TRIM24: variants seen among roughly 807,000 people sequenced by gnomAD.
TRIM24 encodes the protein transcription intermediary factor 1-alpha.
In TRIM24, 29 loss-of-function variants were observed where a neutral mutation model predicts 123.9. The ratio of observed to expected loss-of-function variants is 0.23; its 90% CI spans 0.17 to 0.32. TRIM24 has a LOEUF of 0.32. Among genes scored for constraint, TRIM24 ranks in the 10% least tolerant of loss-of-function variants. The pLI is 1.00. For synonymous variants in TRIM24, 456 were observed against 461.1 expected (o/e 0.99, Z 0.14); for missense variants, 932 against 1,295.3 (o/e 0.72, Z 4.31).
At chr7:138,520,864 T>C (rs1395383029) in intron 4 of TRIM24, among the ~76,000 whole-genome samples, 1 of 151,964 alleles carries the variant, frequency 6.6e-6, no homozygotes, top group Non-Finnish European at 1.5e-5. Context: ...AGATTAAACA[T>C]CTAATGTGGA....
chr7:138,543,261 G>A (rs1733189226), intron 7 of TRIM24, among the ~76,000 whole-genome samples: 1 of 152,192 alleles, frequency 6.6e-6, no homozygotes, highest in Admixed American at 6.5e-5. Flanking sequence ...GAAAATAGGA[G>A]CAGTGAATCA....
chr7:138,508,188 AAT>A (rs1296623630), intron 2 of TRIM24, among the ~76,000 whole-genome samples: 1 of 152,152 alleles, frequency 6.6e-6, no homozygotes, highest in Non-Finnish European at 1.5e-5. Context: ...TTGCATATTC[AAT>A]AGAGTTAGCT....
intron 1 of TRIM24, among the ~76,000 whole-genome samples, chr7:138,502,220 C>T (rs954949834): frequency 2.0e-5 from 3 of 152,142 alleles, no homozygotes; most frequent in Non-Finnish European, 4.4e-5. Context: ...TTTAGCTGGA[C>T]GGTACAGGGC....
chr7:138,568,403 T>TAAA (rs1584743179), intron 10 of TRIM24, among the ~76,000 whole-genome samples: 1 of 137,676 alleles, frequency 7.3e-6, no homozygotes, highest in Non-Finnish European at 1.5e-5. Flanking sequence ...TTTTTTTTTT[T>TAAA]TTTTTTAAAG....
At chr7:138,537,375 G>GTTTTTTT (rs1388530445) in intron 6 of TRIM24, among the ~76,000 whole-genome samples, 1 of 26,268 alleles carries the variant, frequency 3.8e-5, no homozygotes, top group African/African-American at 1.4e-4. Context: ...CGCCACCCCT[G>GTTTTTTT]TTTGTTTTTT....
intron 11 of TRIM24, among the ~76,000 whole-genome samples, chr7:138,572,153 C>G (rs1217802162): frequency 6.6e-6 from 1 of 151,910 alleles, no homozygotes; most frequent in East Asian, 1.9e-4. Context: ...TTAATCTTAC[C>G]AGAGTCATTC....
chr7:138,508,692 T>TGTGTGTGTGTGCGC (rs1422176564), intron 2 of TRIM24, among the ~76,000 whole-genome samples: 8 of 137,274 alleles, frequency 5.8e-5, no homozygotes, highest in African/African-American at 2.2e-4. Context: ...TGTGTGTGTG[T>TGTGTGTGTGTGCGC]GCGCGCGCGT....
chr7:138,538,542 T>C (rs1204004302), intron 6 of TRIM24, 115 bp from the exon 7 acceptor site: 9 of 1,170,224 alleles, frequency 7.7e-6, no homozygotes, highest in Non-Finnish European at 1.1e-5. Context: ...ATTTTTAGTT[T>C]CAGTAAATTG....
intron 13 of TRIM24, 115 bp from the exon 14 acceptor site, chr7:138,577,305 T>G (rs551785851): frequency 2.5e-6 from 2 of 787,362 alleles, no homozygotes; most frequent in Non-Finnish European, 3.8e-6. Context: ...ATTGCTGATG[T>G]TAACATACTT....
chr7:138,476,324 G>T (rs2116467033), intron 1 of TRIM24, among the ~76,000 whole-genome samples: 1 of 152,340 alleles, frequency 6.6e-6, no homozygotes, highest in Admixed American at 6.5e-5. Flanking sequence ...GCCGGGCGTG[G>T]TGGCTCACGC....
rs1197384014 is a variant in TRIM24 at position 138,586,000 on chromosome 7, T to A, written c.*1049T>A. Reference sequence around the variant, plus strand: ...GGCAGCTGGGGGGAATTAATAGTGATTTTTTTTTTTTCCTGAAGCATCTAT... The same window carrying A: ...GGCAGCTGGGGGGAATTAATAGTGAATTTTTTTTTTTCCTGAAGCATCTAT... On this transcript the variant is annotated 3_prime_UTR_variant, in exon 19 of 19. Transcript: ENST00000343526. 1 of 201,652 alleles carries A rather than the reference T, an allele frequency of 5.0e-6. No homozygotes were observed. Among genetic ancestry groups the A allele is most frequent in the Non-Finnish European group, 1.0e-5 (1 of 95,716 alleles). The allele number at this position is 201,652 out of a possible 1,614,324, so 12.5% of individuals were successfully genotyped here.
chr7:138,499,044 G>A (rs1212412817), intron 1 of TRIM24, among the ~76,000 whole-genome samples: 1 of 151,942 alleles, frequency 6.6e-6, no homozygotes, highest in Non-Finnish European at 1.5e-5. Flanking sequence ...TTCTGAGAGG[G>A]GAGAGTTGAA....
At chr7:138,464,410 A>G (rs895497712) in intron 1 of TRIM24, among the ~76,000 whole-genome samples, 8 of 151,884 alleles carry the variant, frequency 5.3e-5, no homozygotes, top group Admixed American at 3.3e-4. Flanking sequence ...TATTACACAA[A>G]GGTTAAATAG....
At chr7:138,462,315 G>A (rs1052148674) in intron 1 of TRIM24, among the ~76,000 whole-genome samples, 4 of 149,500 alleles carry the variant, frequency 2.7e-5, no homozygotes, top group African/African-American at 9.8e-5. Flanking sequence ...GGAACCTGGA[G>A]TTCTGAGAAC....
At chr7:138,512,840 G>A (rs1033866140) in intron 2 of TRIM24, among the ~76,000 whole-genome samples, 2 of 152,120 alleles carry the variant, frequency 1.3e-5, no homozygotes, top group African/African-American at 4.8e-5. Flanking sequence ...TTCCTCCCTT[G>A]AAAATGGGCT....
intron 9 of TRIM24, among the ~76,000 whole-genome samples, chr7:138,563,529 C>T (rs2116654535): frequency 6.6e-6 from 1 of 152,326 alleles, no homozygotes; most frequent in East Asian, 1.9e-4. Flanking sequence ...CGATCTGCTT[C>T]CTTTTTTGCC....
At chr7:138,510,514 C>T (rs927763507) in intron 2 of TRIM24, among the ~76,000 whole-genome samples, 3 of 152,078 alleles carry the variant, frequency 2.0e-5, no homozygotes, top group African/African-American at 4.8e-5. Context: ...CTCCACCTCC[C>T]GGGTTCAAGC....
intron 2 of TRIM24, among the ~76,000 whole-genome samples, chr7:138,509,378 G>A (rs943968693): frequency 6.7e-6 from 1 of 148,632 alleles, no homozygotes; most frequent in African/African-American, 2.5e-5. Context: ...TACAGTCTTG[G>A]TGCAATTAGG....
Position 138,586,037 on chromosome 7 carries a change from C to A in TRIM24, c.*1086C>A. On this transcript the variant is annotated 3_prime_UTR_variant, in exon 19 of 19. Coordinates refer to ENST00000343526, the MANE Select transcript of TRIM24 (RefSeq NM_015905.3). ...CCTGAAGCATCTATCTCATGTTTTT[C>A]TTTTGAGAGTCAGAACATCAAACTT... 2.3e-6 allele frequency: 1 copy of A among 433,708 alleles called. No homozygotes were observed. Among genetic ancestry groups the A allele is most frequent in the Admixed American group, 2.7e-5 (1 of 36,696 alleles). 26.9% of individuals were successfully genotyped at this position (433,708 alleles called of 1,614,324 possible). A position where few individuals can be genotyped will look rare whatever the true frequency, so the allele number is the denominator to read the frequency against.
Sources: allele counts gnomAD v4.1 joint callset (sites outside exome capture counted in the v4.1 genomes callset), GRCh38; gene constraint gnomAD v4.1.1; transcripts MANE v1.5; gene names NCBI Gene and HGNC (gene_info 2026-07-23, HGNC 2026-07-21).